The following ATP10B variants were observed in gnomAD, a reference collection of about 807,000 sequenced individuals.
ATP10B encodes ATPase phospholipid transporting 10B (putative), also known as phospholipid-transporting ATPase VB.
A neutral mutation model predicts 141.2 loss-of-function variants in ATP10B; 122 were observed. The ratio of observed to expected loss-of-function variants is 0.86; its 90% CI spans 0.75 to 1.00. The LOEUF (loss-of-function observed/expected upper bound fraction) is 1.00, where lower values mean the gene tolerates loss of function less well. Ranked by LOEUF, ATP10B falls within the 50% of genes least tolerant of loss-of-function variation. ATP10B has a pLI of 0.00. For synonymous variants in ATP10B, 685 were observed against 692.0 expected, an observed-to-expected ratio of 0.99 and a Z score of 0.16; for missense variants, 1,876 against 1,825.3, an observed-to-expected ratio of 1.03 and a Z score of -0.51.
intron 5 of ATP10B, 152 bp from the exon 6 acceptor site, chr5:160,686,425 A>G (rs1763755282): frequency 3.6e-6 from 2 of 560,572 alleles, no homozygotes; most frequent in Non-Finnish European, 6.0e-6. Flanking sequence ...AGCCAAACCC[A>G]TCTAGATGTA....
chr5:160,800,860 C>T (rs1189920566), intron 1 of ATP10B, among the ~76,000 whole-genome samples: 1 of 152,192 alleles, frequency 6.6e-6, no homozygotes, highest in Non-Finnish European at 1.5e-5. Context: ...GAGGTATAGG[C>T]CTACTCTTCC....
At chr5:160,701,797 C>T (rs1764699454) in intron 3 of ATP10B, among the ~76,000 whole-genome samples, 1 of 151,628 alleles carries the variant, frequency 6.6e-6, no homozygotes, top group Non-Finnish European at 1.5e-5. Flanking sequence ...TGGGAAGTCA[C>T]CCCTCTACCC....
intron 22 of ATP10B, 98 bp from the exon 23 acceptor site, chr5:160,591,237 C>G: frequency 1.1e-6 from 1 of 872,184 alleles, no homozygotes. Flanking sequence ...GACAACCAGA[C>G]GCATACAATG....
intron 22 of ATP10B, among the ~76,000 whole-genome samples, chr5:160,593,021 G>A (rs902242739): frequency 6.6e-6 from 1 of 152,246 alleles, no homozygotes; most frequent in Non-Finnish European, 1.5e-5. Context: ...AGTAACCTCT[G>A]CAGACTTAAA....
chr5:160,812,020 C>CAGAGAGAGAGAGAGAG (rs34793101), intron 1 of ATP10B, among the ~76,000 whole-genome samples: 3 of 111,516 alleles, frequency 2.7e-5, no homozygotes, highest in Non-Finnish European at 6.1e-5. Flanking sequence ...GAGACAGAGA[C>CAGAGAGAGAGAGAGAG]AGAGAGAGAG....
intron 6 of ATP10B, among the ~76,000 whole-genome samples, chr5:160,674,930 G>T (rs1762929869): frequency 6.6e-6 from 1 of 152,140 alleles, no homozygotes; most frequent in Non-Finnish European, 1.5e-5. Flanking sequence ...TTTCCTTCTT[G>T]CCCTGGGCCA....
chr5:160,854,646 T>C (rs1489628975), upstream of ATP10B, among the ~76,000 whole-genome samples: 1 of 152,160 alleles, frequency 6.6e-6, no homozygotes, highest in Non-Finnish European at 1.5e-5. Context: ...TGTGCATGTG[T>C]CTTTATAGTA....
intron 7 of ATP10B, among the ~76,000 whole-genome samples, chr5:160,667,790 C>T (rs535738971): frequency 6.6e-6 from 1 of 152,130 alleles, no homozygotes; most frequent in East Asian, 1.9e-4. Context: ...GAACTGCTGC[C>T]AAAGACAAAA....
At chr5:160,645,362 AG>A (rs1760203086) in intron 8 of ATP10B, among the ~76,000 whole-genome samples, 1 of 152,140 alleles carries the variant, frequency 6.6e-6, no homozygotes, top group Admixed American at 6.5e-5. Flanking sequence ...CTTTTCATAC[AG>A]GGGACAGGGG....
chr5:160,720,805 C>G, intron 2 of ATP10B, among the ~76,000 whole-genome samples: 1 of 152,110 alleles, frequency 6.6e-6, no homozygotes, highest in East Asian at 1.9e-4. Context: ...GAAATGTTGC[C>G]TTGGTCAGCA....
At chr5:160,682,824 A>G (rs1404055971) in intron 6 of ATP10B, among the ~76,000 whole-genome samples, 7 of 151,954 alleles carry the variant, frequency 4.6e-5, no homozygotes, top group South Asian at 2.1e-4. Flanking sequence ...CGGATCACGA[A>G]GTCAGGAGAT....
At chr5:160,845,365 C>A (rs1189901337) in intron 1 of ATP10B, among the ~76,000 whole-genome samples, 1 of 152,058 alleles carries the variant, frequency 6.6e-6, no homozygotes, top group Non-Finnish European at 1.5e-5. Context: ...TAAGAACAGG[C>A]AAACTTAGTT....
intron 2 of ATP10B, among the ~76,000 whole-genome samples, chr5:160,782,535 C>T (rs386475701): frequency 3.9e-4 from 59 of 151,516 alleles, no homozygotes; most frequent in Non-Finnish European, 8.0e-4. Context: ...CAGAAGGGAT[C>T]ATGCAGTATC....
chr5:160,662,195 A>G (rs1468406031), intron 7 of ATP10B, among the ~76,000 whole-genome samples: 2 of 152,114 alleles, frequency 1.3e-5, no homozygotes, highest in African/African-American at 2.4e-5. Flanking sequence ...AGGAAGAATC[A>G]ATATCATGAA....
intron 23 of ATP10B, among the ~76,000 whole-genome samples, chr5:160,590,564 T>C (rs1756221472): frequency 1.5e-4 from 1 of 6,464 alleles, no homozygotes; most frequent in Admixed American, 7.8e-4. Flanking sequence ...TCTTGCTACT[T>C]TTTTTCAGAT....
chr5:160,862,289 A>G, the ATP10B span, among the ~76,000 whole-genome samples: 1 of 151,986 alleles, frequency 6.6e-6, no homozygotes, highest in African/African-American at 2.4e-5. Flanking sequence ...TCAATCGGTT[A>G]AAAGGTCACA....
Position 160,733,586 on chromosome 5 carries a change from T to TG in ATP10B, c.-330-16553_-330-16552insC. ...AAATGACATATATATGTCACATATGTTACATATATACGTTACATATATGTC... is the reference window on the plus strand; with the variant it reads ...AAATGACATATATATGTCACATATGTGTACATATATACGTTACATATATGTC... On this transcript the variant is annotated intron_variant, in intron 2 of 25. Transcript: ENST00000327245. Among the ~76,000 whole-genome samples, 3 of 151,974 alleles carry TG rather than the reference T, an allele frequency of 2.0e-5. No individual in the cohort carries two copies. In the Middle Eastern group the frequency reaches 0.01, roughly 524 times the overall value.
intron 11 of ATP10B, 93 bp from the exon 12 acceptor site, chr5:160,634,699 G>A (rs1184609237): frequency 7.3e-7 from 1 of 1,369,948 alleles, no homozygotes; most frequent in Non-Finnish European, 9.9e-7. Context: ...TTCATAGAAA[G>A]TTGAGGTCAG....
intron 3 of ATP10B, among the ~76,000 whole-genome samples, chr5:160,701,363 G>A (rs557439086): frequency 1.3e-5 from 2 of 152,176 alleles, no homozygotes; most frequent in South Asian, 4.2e-4. Context: ...ATTATTTTGT[G>A]TCCATCTTTC....
Sources: allele counts gnomAD v4.1 joint callset (sites outside exome capture counted in the v4.1 genomes callset), GRCh38; gene constraint gnomAD v4.1.1; transcripts MANE v1.5; gene names NCBI Gene and HGNC (gene_info 2026-07-23, HGNC 2026-07-21).